LRP1: variants seen among roughly 807,000 people sequenced by gnomAD.
The protein encoded by LRP1 is prolow-density lipoprotein receptor-related protein 1.
LRP1 carries 51 observed loss-of-function variants against 541.5 expected under a neutral mutation model. That is an observed-to-expected ratio of 0.09 (90% CI 0.08 to 0.12). The LOEUF is 0.12. Among genes scored for constraint, LRP1 ranks in the 10% least tolerant of loss-of-function variants. The probability of loss-of-function intolerance (pLI) is 1.00; values close to 1 mark genes in which losing one functional copy is unlikely to be tolerated. For missense variants in LRP1, 3,878 were observed against 6,376.2 expected (o/e 0.61, Z 13.34); for synonymous variants, 2,219 against 2,470.8 (o/e 0.90, Z 3.02).
chr12:57,150,563 T>C (rs1227351201), intron 6 of LRP1, among the ~76,000 whole-genome samples: 1 of 152,078 alleles, frequency 6.6e-6, no homozygotes, highest in Admixed American at 6.5e-5. Context: ...TAGTAGGTGT[T>C]AGCCCCAAAT....
intron 44 of LRP1, among the ~76,000 whole-genome samples, chr12:57,191,828 C>T (rs2036392260): frequency 3.1e-5 from 3 of 97,004 alleles, no homozygotes; most frequent in Non-Finnish European, 6.2e-5. Flanking sequence ...TATACCACAC[C>T]ACACACATAC....
At chr12:57,142,925 G>T (rs2035325772) in intron 3 of LRP1, among the ~76,000 whole-genome samples, 1 of 152,058 alleles carries the variant, frequency 6.6e-6, no homozygotes, top group African/African-American at 2.4e-5. Flanking sequence ...CTCCTAGGTG[G>T]GGGTGGAGTG....
rs1206434634 is a variant in LRP1 at position 57,162,993 on chromosome 12, G to C, written c.2530+10G>C. ...GGCGTCACTTGCTTGGGTATGAGGT[G>C]CCTGGCTGGGTGGGAGTGGGAAGCA... On this transcript the variant is annotated intron_variant, in intron 15 of 88. Coordinates refer to ENST00000243077, the MANE Select transcript of LRP1 (RefSeq NM_002332.3). This position sits in a 1 kb window ranked among gnomAD's most constrained non-coding sequence, Gnocchi z 5.2. 6.3e-7 allele frequency: 1 copy of C among 1,594,774 alleles called. No individual in the cohort carries two copies. The highest frequency in any genetic ancestry group is 8.5e-7 in the Non-Finnish European group (1 of 1,173,908).
In LRP1 at chr12:57,177,550, C is replaced by A; in HGVS notation, c.4320C>A (p.Thr1440=). 6.2e-7 allele frequency: 1 copy of A among 1,613,914 alleles called. No homozygotes were observed. Among genetic ancestry groups the A allele is most frequent in the Non-Finnish European group, 8.5e-7 (1 of 1,179,974 alleles). Residue 1440 remains threonine, a synonymous_variant, in exon 26 of 89, where the codon ACC becomes ACA. Transcript: ENST00000243077. The surrounding 1 kb of genome is among the most constrained non-coding windows in gnomAD (Gnocchi z 6.8). ...TGSGGWPNGL[T]VDYLEKRILW... ...CTGGGGGCTGGCCCAACGGGCTCAC[C>A]GTGGACTACCTGGAGAAGCGCATCC...
chr12:57,179,901 G>A lies in LRP1; in HGVS notation c.5086G>A (p.Ala1696Thr), dbSNP rs1043456147. 34 of 1,613,996 alleles carry A rather than the reference G, an allele frequency of 2.1e-5. No individual in the cohort carries two copies. Among genetic ancestry groups the A allele is most frequent in the Admixed American group, 8.3e-5 (5 of 60,006 alleles). ...CCGGCTGGATGGCTCCTTCAAGAAC[G>A]CAGTGGTGCAGGGCCTGGAGCAGCC... ...VARLDGSFKN[A>T]VVQGLEQPHG... Residue 1696 changes from alanine (A) to threonine (T), a missense_variant, in exon 30 of 89, where the codon GCA becomes ACA. Around this residue, in one of 13 missense-constraint regions of LRP1, gnomAD observed 394 missense variants for 635.9 expected, o/e 0.62. Coordinates refer to ENST00000243077, the MANE Select transcript of LRP1 (RefSeq NM_002332.3). This position sits in a 1 kb window ranked among gnomAD's most constrained non-coding sequence, Gnocchi z 6.8.
chr12:57,134,582 C>T (rs2035114221), intron 1 of LRP1, among the ~76,000 whole-genome samples: 1 of 152,204 alleles, frequency 6.6e-6, no homozygotes, highest in Admixed American at 6.5e-5. Context: ...AGGGTTTCAC[C>T]ATGTTGCCCA....
At chr12:57,140,289 G>A (rs138519539) in intron 2 of LRP1, among the ~76,000 whole-genome samples, 139 of 152,212 alleles carry the variant, frequency 9.1e-4, no homozygotes, top group Non-Finnish European at 2.2e-4. Context: ...GCTTGTTGCT[G>A]TGGGGTTGGA....
At chr12:57,176,226 C>A in intron 24 of LRP1, 120 bp downstream of exon 24, 2 of 955,660 alleles carry the variant, frequency 2.1e-6, no homozygotes, top group Non-Finnish European at 3.1e-6. Flanking sequence ...CCCCACACTT[C>A]TGTTCATTGG....
intron 44 of LRP1, among the ~76,000 whole-genome samples, chr12:57,191,977 CACAT>C (rs1302684371): frequency 2.8e-3 from 20 of 7,042 alleles, no homozygotes; most frequent in East Asian, 7.1e-3. Context: ...CCACACATGA[CACAT>C]ACACACCACA....
At chr12:57,146,489 C>G (rs1027048734) in intron 6 of LRP1, 5 of 152,186 alleles carry the variant, frequency 3.3e-5, no homozygotes, top group African/African-American at 1.2e-4. Context: ...TTGGGCCTCT[C>G]TAGAAGATCT....
intron 44 of LRP1, among the ~76,000 whole-genome samples, chr12:57,191,976 A>ACACACAC (rs2036415891): frequency 5.1e-4 from 1 of 1,954 alleles, no homozygotes; most frequent in African/African-American, 1.9e-3. Context: ...ACCACACATG[A>ACACACAC]CACATACACA....
rs754168009 is a variant in LRP1, at chr12:57,165,934, C to T, written c.2660C>T (p.Pro887Leu). The change falls in exon 16 of 89, where the codon CCA becomes CTA. Residue 887 changes from proline to leucine, a missense_variant. Around this residue, in one of 13 missense-constraint regions of LRP1, gnomAD observed 496 missense variants for 861.0 expected, o/e 0.58. Coordinates refer to ENST00000243077, the MANE Select transcript of LRP1 (RefSeq NM_002332.3). The surrounding 1 kb of genome is among the most constrained non-coding windows in gnomAD (Gnocchi z 4.5). ...TGCCTGGACAACAGTGATGAGGCCCCAGCCCTCTGCCGTGAGTCACACGCC... is the reference window on the plus strand; with the variant it reads ...TGCCTGGACAACAGTGATGAGGCCCTAGCCCTCTGCCGTGAGTCACACGCC... ...NDCLDNSDEA[P>L]ALCHQHTCPS... is the part of the protein sequence containing the mutation. The T allele has an allele frequency of 1.1e-5, 18 of 1,614,046 alleles. No individual in the cohort carries two copies. The East Asian group carries it at 2.2e-4, about 20-fold the overall frequency.
chr12:57,180,089 C>T lies in LRP1; in HGVS notation c.5184C>T (p.Asn1728=), dbSNP rs1457924369. Residue 1728 remains asparagine, a synonymous_variant, in exon 31 of 89, where the codon AAC becomes AAT. Transcript: ENST00000243077. The part of the protein sequence containing the change: ...WTDGDNISMA[N]MDGSNRTLLF... ...ATGGTGACAACATCAGCATGGCCAA[C>T]ATGGATGGCAGCAATCGCACCCTGC... 2.5e-6 allele frequency: 4 copies of T among 1,613,878 alleles called. No homozygotes were observed. Among genetic ancestry groups the T allele is most frequent in the African/African-American group, 2.7e-5 (2 of 74,922 alleles).
chr12:57,175,844 G>A lies in LRP1; in HGVS notation c.3794-65G>A, dbSNP rs369182714. ...CCCGGACCAGCAGAGACCTGCCTGC[G>A]CCAGGACGGGTGGCACACAGGCAGC... On this transcript the variant is annotated intron_variant, in intron 23 of 88. Transcript: ENST00000243077. 1,936 of 1,593,856 alleles carry A rather than the reference G, an allele frequency of 1.2e-3. 32 individuals are homozygous for A. The South Asian group carries it at 0.02, about 17-fold the overall frequency.
chr12:57,146,884 C>T (rs1010336745), intron 6 of LRP1, among the ~76,000 whole-genome samples: 1 of 152,118 alleles, frequency 6.6e-6, no homozygotes, highest in Non-Finnish European at 1.5e-5. Context: ...TGTTCCTTGT[C>T]CACTGACCTA....
rs1394425140 is a variant in LRP1, at chr12:57,208,209, C to T, written c.12031C>T (p.Leu4011=). 1 of 1,613,328 alleles carries T rather than the reference C, an allele frequency of 6.2e-7. No individual in the cohort carries two copies. The highest frequency in any genetic ancestry group is 8.5e-7 in the Non-Finnish European group (1 of 1,179,766). Reference sequence around the variant, plus strand: ...GCCCCACGCCATTGTGGTGGACCCACTGAGGGGGTGGGCAAGGGCCCTGGG... The same window carrying T: ...GCCCCACGCCATTGTGGTGGACCCATTGAGGGGGTGGGCAAGGGCCCTGGG... ...DEPHAIVVDP[L]RGTMYWSDWG... is the part of the protein sequence containing the mutation. The change falls in exon 77 of 89, where the codon CTG becomes TTG. Residue 4011 remains leucine, a synonymous_variant. Coordinates refer to ENST00000243077, the MANE Select transcript of LRP1 (RefSeq NM_002332.3).
intron 34 of LRP1, among the ~76,000 whole-genome samples, chr12:57,182,159 T>A (rs1454919787): frequency 6.6e-6 from 1 of 152,056 alleles, no homozygotes; most frequent in East Asian, 1.9e-4. Flanking sequence ...ATGTGCTGTA[T>A]CAAAGGGATA....
chr12:57,140,130 G>C (rs1458001763), intron 2 of LRP1, among the ~76,000 whole-genome samples: 1 of 151,912 alleles, frequency 6.6e-6, no homozygotes, highest in Non-Finnish European at 1.5e-5. Context: ...TTGAAAGGTG[G>C]GATCTCACTA....
At chr12:57,155,107 A>C in intron 8 of LRP1, 1 of 428,638 alleles carries the variant, frequency 2.3e-6, no homozygotes. Flanking sequence ...CAGAGGTGGC[A>C]TCTCCATTGT....
Sources: gnomAD v4.1 joint callset for allele counts (sites outside exome capture counted in the v4.1 genomes callset) on GRCh38, gnomAD v4.1.1 for gene constraint, gnomAD v4.1.1 regional missense constraint, Gnocchi (gnomAD v3.1) non-coding constraint, MANE v1.5 for transcripts, NCBI Gene and HGNC (gene_info 2026-07-23, HGNC 2026-07-21) for gene names.